The following SERPINB9 variants were observed in gnomAD, a reference collection of about 807,000 sequenced individuals.
SERPINB9 encodes the protein serpin family B member 9.
A neutral mutation model predicts 27.2 loss-of-function variants in SERPINB9; 20 were observed. The ratio of observed to expected loss-of-function variants is 0.74; its 90% CI spans 0.52 to 1.07. The LOEUF is 1.07. SERPINB9 is among the 50% of genes least tolerant of loss of function. The pLI, the probability that SERPINB9 is intolerant of heterozygous loss-of-function variation, is 0.00. For synonymous variants in SERPINB9, 189 were observed against 180.0 expected (o/e 1.05, Z -0.40); for missense variants, 476 against 460.1 (o/e 1.03, Z -0.32).
At chr6:2,900,883 T>TCACACACACACACACACACA (rs1043594260) in intron 1 of SERPINB9, among the ~76,000 whole-genome samples, 1 of 26,528 alleles carries the variant, frequency 3.8e-5, no homozygotes, top group African/African-American at 4.4e-4. Flanking sequence ...GAGCTCGCTC[T>TCACACACACACACACACACA]CTCACACACA....
intron 2 of SERPINB9, chr6:2,900,170 G>C (rs1768146715): frequency 2.0e-6 from 1 of 509,950 alleles, no homozygotes; most frequent in South Asian, 2.4e-5. Flanking sequence ...TCTAAAGAAA[G>C]ATTCTGCGCT....
In SERPINB9 at chr6:2,887,301, T is replaced by C. The variant is rs1298456701; in HGVS notation, c.*2862A>G. ...AGGAAAACAAAACACTGTTTATTAA[T>C]GAAACATCATAACAAAATTTAAAAG... On this transcript the variant is annotated 3_prime_UTR_variant, in exon 7 of 7. Coordinates refer to ENST00000380698, the MANE Select transcript of SERPINB9 (RefSeq NM_004155.6). The C allele has an allele frequency of 1.3e-5, 2 of 152,048 alleles. No homozygotes were observed. Among genetic ancestry groups the C allele is most frequent in the African/African-American group, 4.8e-5 (2 of 41,398 alleles). The allele number at this position is 152,048 out of a possible 1,614,324, so 9.4% of individuals were successfully genotyped here.
In SERPINB9 at chr6:2,888,067, T is replaced by TTTA. The variant is rs1767656198; in HGVS notation, c.*2093_*2095dup. On this transcript the variant is annotated 3_prime_UTR_variant, in exon 7 of 7. Transcript: ENST00000380698. ...ACTGGATGTCCCATCTAGTTTGTAC[T>TTTA]TTAGTTTCTAGCTCATTACATAGGA... 1 of 152,204 alleles carries TTTA rather than the reference T, an allele frequency of 6.6e-6. No individual in the cohort carries two copies. Among genetic ancestry groups the TTTA allele is most frequent in the Non-Finnish European group, 1.5e-5 (1 of 68,030 alleles). The allele number at this position is 152,204 out of a possible 1,614,324, so 9.4% of individuals were successfully genotyped here.
At position 2,895,723 on chromosome 6, in the gene SERPINB9, C is replaced by T. The variant is rs1180230955; in HGVS notation, c.307-215G>A. ...AAATGAACTTGAGAATTTTACCTTT[C>T]AATTTTACCTTTCAAGAAAAGTAGA... On this transcript the variant is annotated intron_variant, in intron 3 of 6. Coordinates refer to ENST00000380698, the MANE Select transcript of SERPINB9 (RefSeq NM_004155.6). Among the ~76,000 whole-genome samples, 3 of 151,938 alleles carry T rather than the reference C, an allele frequency of 2.0e-5. No homozygotes were observed. The East Asian group carries it at 5.8e-4, about 29-fold the overall frequency.
At chr6:2,893,053 C>CGT (rs542385110) in intron 5 of SERPINB9, among the ~76,000 whole-genome samples, 63 of 113,500 alleles carry the variant, frequency 5.6e-4, no homozygotes, top group African/African-American at 1.1e-3. Context: ...TACCTTAACA[C>CGT]TTTTTTTTTT....
At chr6:2,902,999 G>A (rs1018213026) in intron 1 of SERPINB9, among the ~76,000 whole-genome samples, 1 of 152,184 alleles carries the variant, frequency 6.6e-6, no homozygotes, top group Non-Finnish European at 1.5e-5. Context: ...GGTGGCTGTG[G>A]GCCGCCAAGG....
chr6:2,893,829 A>G (rs1463356480), intron 4 of SERPINB9, among the ~76,000 whole-genome samples: 1 of 152,204 alleles, frequency 6.6e-6, no homozygotes, highest in Non-Finnish European at 1.5e-5. Context: ...TTGGAGAACA[A>G]GACCAGCAGG....
chr6:2,891,915 G>A lies in SERPINB9; in HGVS notation c.641C>T (p.Ala214Val). The part of the protein sequence containing the change: ...FKLAHVGEVR[A>V]QLLELPYARK... ...GGCGTAGGGCAGCTCCAGCAGCTGC[G>A]CGCGCACCTCGCCCACGTGGGCGAG... Residue 214 changes from alanine (A) to valine (V), a missense_variant, in exon 6 of 7, where the codon GCG becomes GTG. By Grantham distance (64) the Ala-to-Val change is moderately conservative (BLOSUM62 0). Coordinates refer to ENST00000380698, the MANE Select transcript of SERPINB9 (RefSeq NM_004155.6). This position sits in a 1 kb window ranked among gnomAD's most constrained non-coding sequence, Gnocchi z 4.0. 5 of 1,613,098 alleles carry A rather than the reference G, an allele frequency of 3.1e-6. No individual in the cohort carries two copies. The highest frequency in any genetic ancestry group is 4.2e-6 in the Non-Finnish European group (5 of 1,179,858).
chr6:2,898,550 G>A (rs1380551970), intron 2 of SERPINB9, among the ~76,000 whole-genome samples: 1 of 152,224 alleles, frequency 6.6e-6, no homozygotes, highest in African/African-American at 2.4e-5. Context: ...GGGCGCAGTG[G>A]CTCACGCCTG....
In SERPINB9 at chr6:2,895,679, T is replaced by C. The variant is rs372804751; in HGVS notation, c.307-171A>G. ...ATCAGAGTTTGTGAATAGGTATGTATTGAACCCTGAATAACCAGAAATGAA... is the reference window on the plus strand; with the variant it reads ...ATCAGAGTTTGTGAATAGGTATGTACTGAACCCTGAATAACCAGAAATGAA... On this transcript the variant is annotated intron_variant, in intron 3 of 6. Coordinates refer to ENST00000380698, the MANE Select transcript of SERPINB9 (RefSeq NM_004155.6). Among the ~76,000 whole-genome samples, 27 of 152,324 alleles carry C rather than the reference T, an allele frequency of 1.8e-4. No individual in the cohort carries two copies. The East Asian group carries it at 5.2e-3, about 29-fold the overall frequency.
rs59765119 is a variant in SERPINB9, at chr6:2,894,940, CG to C, written c.424+450del. 6.5e-3 allele frequency among the ~76,000 whole-genome samples: 285 copies of C among 43,984 alleles called. 2 individuals are homozygous for C. Among genetic ancestry groups the C allele is most frequent in the East Asian group, 0.014 (10 of 724 alleles). 28.9% of individuals were successfully genotyped at this position (43,984 alleles called of 152,430 possible). On this transcript the variant is annotated intron_variant, in intron 4 of 6. Transcript: ENST00000380698. This position sits in a 1 kb window ranked among gnomAD's most constrained non-coding sequence, Gnocchi z 4.7. Reference sequence around the variant, plus strand: ...TTGTATTTTTAGTAGAGATGTTGGGCGGGGGGGGGTCCCACCATGTTGGTCA... The same window carrying C: ...TTGTATTTTTAGTAGAGATGTTGGGCGGGGGGGGTCCCACCATGTTGGTCA...
rs1767945473 is a variant in SERPINB9 at position 2,894,999 on chromosome 6, T to G, written c.424+392A>C. On this transcript the variant is annotated intron_variant, in intron 4 of 6. Transcript: ENST00000380698. The surrounding 1 kb of genome is among the most constrained non-coding windows in gnomAD (Gnocchi z 4.7). Reference sequence around the variant, plus strand: ...CTCGAACTCCTGACCTCAAGTGATATGTCCACTTCGGCCTTCTAAATTGCT... The same window carrying G: ...CTCGAACTCCTGACCTCAAGTGATAGGTCCACTTCGGCCTTCTAAATTGCT... Among the ~76,000 whole-genome samples, 1 of 151,880 alleles carries G rather than the reference T, an allele frequency of 6.6e-6. No individual in the cohort carries two copies. Among genetic ancestry groups the G allele is most frequent in the South Asian group, 2.1e-4 (1 of 4,822 alleles).
At chr6:2,900,885 T>TCCCACACACACACACACA (rs61100591) in intron 1 of SERPINB9, among the ~76,000 whole-genome samples, 2 of 141,482 alleles carry the variant, frequency 1.4e-5, no homozygotes, top group Admixed American at 1.4e-4. Context: ...GCTCGCTCTC[T>TCCCACACACACACACACA]CACACACACA....
intron 2 of SERPINB9, chr6:2,899,994 CCTT>C (rs994634404): frequency 2.2e-6 from 1 of 449,972 alleles, no homozygotes; most frequent in Non-Finnish European, 4.5e-6. Flanking sequence ...GCCCTGGAAT[CCTT>C]CTTGCAAATT....
At chr6:2,898,396 T>G (rs1768075172) in intron 2 of SERPINB9, among the ~76,000 whole-genome samples, 2 of 152,218 alleles carry the variant, frequency 1.3e-5, no homozygotes, top group African/African-American at 2.4e-5. Context: ...CTATTACTAT[T>G]CATAGCCAAC....
Position 2,897,065 on chromosome 6 carries a change from G to A in SERPINB9, c.169-875C>T, listed in dbSNP as rs535545884. 4.7e-5 allele frequency among the ~76,000 whole-genome samples: 7 copies of A among 150,142 alleles called. No individual in the cohort carries two copies. The South Asian group carries it at 1.5e-3, about 31-fold the overall frequency. ...TGCTGGAGCCCAGGACTTTGAGGCT[G>A]CAGTGAGCTATGATCAAGCTGCTGC... On this transcript the variant is annotated intron_variant, in intron 2 of 6. Transcript: ENST00000380698.
At chr6:2,900,327 A>G (rs777498085) in intron 2 of SERPINB9, 117 bp downstream of exon 2, 4 of 1,279,430 alleles carry the variant, frequency 3.1e-6, no homozygotes, top group Non-Finnish European at 4.3e-6. Flanking sequence ...CGGCCAGTGC[A>G]CACTCGGGCC....
chr6:2,896,033 G>T lies in SERPINB9; in HGVS notation c.306+20C>A, dbSNP rs1272337391. On this transcript the variant is annotated intron_variant, in intron 3 of 6. Coordinates refer to ENST00000380698, the MANE Select transcript of SERPINB9 (RefSeq NM_004155.6). Reference sequence around the variant, plus strand: ...AGGTATGTTGAATGCAACTTTTATTGTTCTATTGATTCAACTTACTGAGAG... The same window carrying T: ...AGGTATGTTGAATGCAACTTTTATTTTTCTATTGATTCAACTTACTGAGAG... The T allele has an allele frequency of 2.6e-5, 42 of 1,606,860 alleles. No homozygotes were observed. The highest frequency in any genetic ancestry group is 3.6e-5 in the Non-Finnish European group (42 of 1,177,200).
In SERPINB9 at chr6:2,889,698, G is replaced by GA. The variant is rs10714355; in HGVS notation, c.*464dup. ...CGACAGAGAGCCAGACTGCGTCTCA[G>GA]AAAAAAAAAAAAAAAAAAGATAAAA... On this transcript the variant is annotated 3_prime_UTR_variant, in exon 7 of 7. Coordinates refer to ENST00000380698, the MANE Select transcript of SERPINB9 (RefSeq NM_004155.6). 2.8e-3 allele frequency: 281 copies of GA among 101,424 alleles called. 1 individual carries two copies. The highest frequency in any genetic ancestry group is 6.3e-3 in the East Asian group (20 of 3,162). The allele number at this position is 101,424 out of a possible 1,614,324, so 6.3% of individuals were successfully genotyped here.
Sources: allele counts gnomAD v4.1 joint callset (sites outside exome capture counted in the v4.1 genomes callset), GRCh38; gene constraint gnomAD v4.1.1; non-coding constraint Gnocchi (gnomAD v3.1); transcripts MANE v1.5; gene names NCBI Gene and HGNC (gene_info 2026-07-23, HGNC 2026-07-21).